The following DYM variants were observed in gnomAD, a reference collection of about 807,000 sequenced individuals.
DYM encodes the protein dyggve-Melchior-Clausen syndrome protein.
DYM carries 78 observed loss-of-function variants against 93.1 expected under a neutral mutation model. The observed-to-expected ratio is 0.84, with a 90% confidence interval of 0.70 to 1.01. The LOEUF is 1.01. Among genes scored for constraint, DYM ranks in the 50% least tolerant of loss-of-function variants. DYM has a pLI of 0.00. For missense variants in DYM, 789 were observed against 845.0 expected (o/e 0.93, Z 0.82); for synonymous variants, 321 against 319.7 (o/e 1.00, Z -0.04).
intron 8 of DYM, among the ~76,000 whole-genome samples, chr18:49,288,419 CATATGAGATCTGAATTA>C (rs1264266873): frequency 1.4e-4 from 22 of 151,928 alleles, no homozygotes; most frequent in Non-Finnish European, 2.1e-4. Flanking sequence ...ATTTGAAGAC[CATATGAGATCTGAATTA>C]ATGTAAAGGC....
rs966272761 is a variant in DYM, at chr18:49,220,663, C to A, written c.1461-10948G>T. On this transcript the variant is annotated intron_variant, in intron 13 of 17. Coordinates refer to ENST00000675505, the MANE Select transcript of DYM (RefSeq NM_001353214.3). ...AAAACAATCAATGGGGAAAGGATTC[C>A]CTATTTAATAAATGGTGCTGGGAAA... Among the ~76,000 whole-genome samples the A allele has an allele frequency of 8.5e-5, 13 of 152,174 alleles. No homozygotes were observed. The East Asian group carries it at 1.2e-3, about 14-fold the overall frequency.
At position 49,286,593 on chromosome 18, in the gene DYM, G is replaced by T; in HGVS notation, c.787C>A (p.Leu263Ile). The T allele has an allele frequency of 6.2e-7, 1 of 1,614,014 alleles. No individual in the cohort carries two copies. Among genetic ancestry groups the T allele is most frequent in the Non-Finnish European group, 8.5e-7 (1 of 1,179,962 alleles). Residue 263 changes from leucine (L) to isoleucine (I), a missense_variant, in exon 9 of 18, where the codon CTA (leucine) becomes ATA (isoleucine). By Grantham distance (5) the Leu-to-Ile change is conservative. Transcript: ENST00000675505. ...VATGLWTVFT[L>I]GGVGSKAAAS... ...GCCGCTTTGCTGCCCACACCACCTA[G>T]TGTGAAGACAGTCCAGAGTCCTGCT... is the stretch of plus-strand genomic sequence containing the variant.
intron 15 of DYM, among the ~76,000 whole-genome samples, chr18:49,130,220 C>G (rs2083258087): frequency 6.6e-6 from 1 of 152,140 alleles, no homozygotes; most frequent in Admixed American, 6.5e-5. Context: ...AGTAAAGAAA[C>G]ACTGAAAAAA....
At chr18:49,290,424 AGAG>A (rs1429457414) in intron 8 of DYM, among the ~76,000 whole-genome samples, 14 of 152,084 alleles carry the variant, frequency 9.2e-5, no homozygotes, top group African/African-American at 2.4e-4. Context: ...GATTATCTCT[AGAG>A]GATGAAGTGG....
At position 49,435,341 on chromosome 18, in the gene DYM, ATGT is replaced by A. The variant is rs1045725130; in HGVS notation, c.-53-4897_-53-4895del. ...GTATTGTGCAAACTGTGAAGTGGTG[ATGT>A]TGTTATTGTATTATTTAAAAGCAAT... On this transcript the variant is annotated intron_variant, in intron 1 of 17. Coordinates refer to ENST00000675505, the MANE Select transcript of DYM (RefSeq NM_001353214.3). 4.0e-5 allele frequency among the ~76,000 whole-genome samples: 6 copies of A among 150,056 alleles called. No individual in the cohort carries two copies. The South Asian group carries it at 6.5e-4, about 16-fold the overall frequency.
At chr18:49,250,937 C>A (rs2094273637) in intron 13 of DYM, among the ~76,000 whole-genome samples, 1 of 152,220 alleles carries the variant, frequency 6.6e-6, no homozygotes, top group African/African-American at 2.4e-5. Flanking sequence ...AAGGGATCCT[C>A]AGCCTTGACA....
chr18:49,332,017 A>G lies in DYM; in HGVS notation c.621-11T>C, dbSNP rs760697259. On this transcript the variant is annotated splice_polypyrimidine_tract_variant and intron_variant, in intron 7 of 17. Transcript: ENST00000675505. The stretch of plus-strand genomic sequence containing the variant: ...CTGGTGTATGGAAGACTATACAAAA[A>G]GGAAAAAAAAATCAAACTCATATTT... 7 of 1,612,248 alleles carry G rather than the reference A, an allele frequency of 4.3e-6. No individual in the cohort carries two copies. The highest frequency in any genetic ancestry group is 5.9e-6 in the Non-Finnish European group (7 of 1,179,054).
chr18:49,195,143 TAATG>T (rs2091325283), intron 14 of DYM, among the ~76,000 whole-genome samples: 1 of 152,218 alleles, frequency 6.6e-6, no homozygotes. Flanking sequence ...TTTATTTAAT[TAATG>T]GTCATATATG....
At chr18:49,149,304 CCATACTGGTCCAT>C (rs1162567585) in intron 15 of DYM, among the ~76,000 whole-genome samples, 3 of 152,020 alleles carry the variant, frequency 2.0e-5, no homozygotes, top group Non-Finnish European at 4.4e-5. Context: ...AGCCCATGGA[CCATACTGGTCCAT>C]GAGAACACAC....
At chr18:49,232,603 C>CT (rs777802663) in intron 13 of DYM, among the ~76,000 whole-genome samples, 9,901 of 92,922 alleles carry the variant, frequency 0.11, 378 homozygotes, top group Non-Finnish European at 0.12. Flanking sequence ...TGCCCGGCCT[C>CT]TTTTTTTTTT....
chr18:49,208,959 A>T (rs1169714199), intron 14 of DYM, among the ~76,000 whole-genome samples: 1 of 152,100 alleles, frequency 6.6e-6, no homozygotes, highest in Non-Finnish European at 1.5e-5. Flanking sequence ...TCTCTTTCTT[A>T]CTCCACTGAC....
intron 14 of DYM, among the ~76,000 whole-genome samples, chr18:49,180,192 C>A (rs2089787000): frequency 6.6e-6 from 1 of 152,048 alleles, no homozygotes; most frequent in Non-Finnish European, 1.5e-5. Flanking sequence ...ACAAGTCTAT[C>A]TTTGTAAGGA....
intron 1 of DYM, among the ~76,000 whole-genome samples, chr18:49,446,266 AAAAG>A (rs1420950724): frequency 2.6e-5 from 4 of 152,174 alleles, no homozygotes; most frequent in African/African-American, 9.6e-5. Flanking sequence ...TACCAAAAGA[AAAAG>A]AGAGAGAGAG....
At chr18:49,098,199 G>T (rs753896478) in intron 16 of DYM, among the ~76,000 whole-genome samples, 5 of 152,120 alleles carry the variant, frequency 3.3e-5, no homozygotes, top group Non-Finnish European at 7.4e-5. Flanking sequence ...CATAAATCAA[G>T]AAGACTGCAG....
chr18:49,243,482 T>C (rs565476951), intron 13 of DYM, among the ~76,000 whole-genome samples: 11 of 152,066 alleles, frequency 7.2e-5, no homozygotes, highest in East Asian at 3.9e-4. Flanking sequence ...CTGGCCAACA[T>C]TGTAAATCCC....
intron 2 of DYM, among the ~76,000 whole-genome samples, chr18:49,421,219 C>CCA (rs2073664640): frequency 6.6e-6 from 1 of 152,224 alleles, no homozygotes; most frequent in Non-Finnish European, 1.5e-5. Context: ...TCCCTGACCC[C>CCA]TGAGTAGCCT....
rs2087472615 is a variant in DYM, at chr18:49,163,641, G to A, written c.1728+44C>T. 2.2e-6 allele frequency: 3 copies of A among 1,386,606 alleles called. No homozygotes were observed. The East Asian group carries it at 7.3e-5, about 34-fold the overall frequency. The allele number at this position is 1,386,606 out of a possible 1,614,324, so 85.9% of individuals were successfully genotyped here. On this transcript the variant is annotated intron_variant, in intron 15 of 17. Coordinates refer to ENST00000675505, the MANE Select transcript of DYM (RefSeq NM_001353214.3). ...TTACAGGCAGGAGTTACTGTGCCTG[G>A]CTGAAAGGAAAATTTTTTATTGATG...
chr18:49,166,952 T>C (rs1434004758), intron 14 of DYM, among the ~76,000 whole-genome samples: 1 of 151,522 alleles, frequency 6.6e-6, no homozygotes, highest in African/African-American at 2.4e-5. Context: ...AGGTGCTTCC[T>C]GAGTTTAGCA....
intron 8 of DYM, among the ~76,000 whole-genome samples, chr18:49,325,103 G>A (rs558102402): frequency 4.6e-5 from 7 of 152,228 alleles, no homozygotes; most frequent in African/African-American, 1.7e-4. Context: ...GAGATATTGG[G>A]GGGATTTGAA....
Sources: allele counts gnomAD v4.1 joint callset (sites outside exome capture counted in the v4.1 genomes callset), GRCh38; gene constraint gnomAD v4.1.1; transcripts MANE v1.5; gene names NCBI Gene and HGNC (gene_info 2026-07-23, HGNC 2026-07-21).